The following WASF1 variants were observed in gnomAD, a reference collection of about 807,000 sequenced individuals.
WASF1 encodes the protein WASP family member 1.
Under a neutral mutation model 50.5 loss-of-function variants are expected in WASF1, and 7 were observed. The ratio of observed to expected loss-of-function variants is 0.14; its 90% CI spans 0.08 to 0.26. WASF1 has a LOEUF of 0.26. WASF1 is among the 10% of genes least tolerant of loss of function. WASF1 has a pLI of 1.00. For missense variants in WASF1, 470 were observed against 694.7 expected (o/e 0.68, Z 3.64); for synonymous variants, 205 against 244.0 (o/e 0.84, Z 1.49).
At chr6:110,134,567 G>A (rs868428913) in intron 3 of WASF1, among the ~76,000 whole-genome samples, 3 of 151,912 alleles carry the variant, frequency 2.0e-5, no homozygotes, top group Non-Finnish European at 2.9e-5. Flanking sequence ...TAGGATTACA[G>A]GTGCCCACCA....
intron 9 of WASF1, among the ~76,000 whole-genome samples, chr6:110,103,085 A>T (rs773137859): frequency 5.4e-4 from 83 of 152,306 alleles, no homozygotes; most frequent in Non-Finnish European, 8.2e-4. Context: ...TTAAATTCTT[A>T]TTAGCTAAAT....
chr6:110,103,345 A>G (rs919829217), intron 9 of WASF1, 33 bp downstream of exon 9: 2 of 1,596,484 alleles, frequency 1.3e-6, no homozygotes, highest in Non-Finnish European at 1.7e-6. Context: ...ACTGACTCCT[A>G]AGATAAAACA....
intron 4 of WASF1, among the ~76,000 whole-genome samples, chr6:110,125,041 C>T (rs1268952028): frequency 2.6e-5 from 4 of 152,162 alleles, no homozygotes; most frequent in African/African-American, 9.7e-5. Flanking sequence ...AATAATAGCA[C>T]CAAAGTGAAA....
chr6:110,174,335 A>G (rs1244327046), intron 2 of WASF1, among the ~76,000 whole-genome samples: 1 of 152,172 alleles, frequency 6.6e-6, no homozygotes, highest in Admixed American at 6.5e-5. Context: ...CTATACTGTT[A>G]ACTCCAAGAG....
chr6:110,108,404 G>T, intron 6 of WASF1, 124 bp downstream of exon 6: 1 of 917,282 alleles, frequency 1.1e-6, no homozygotes, highest in East Asian at 2.5e-5. Context: ...TTCCAAAGGT[G>T]GTGGACAGAG....
At chr6:110,150,327 G>C (rs916845504) in intron 3 of WASF1, among the ~76,000 whole-genome samples, 1 of 152,070 alleles carries the variant, frequency 6.6e-6, no homozygotes, top group African/African-American at 2.4e-5. Flanking sequence ...AGTAGACTAA[G>C]GTAAATTATT....
At position 110,103,554 on chromosome 6, in the gene WASF1, A is replaced by C; in HGVS notation, c.717T>G (p.Pro239=). The C allele has an allele frequency of 6.2e-7, 1 of 1,607,892 alleles. No individual in the cohort carries two copies. Among genetic ancestry groups the C allele is most frequent in the Non-Finnish European group, 8.5e-7 (1 of 1,176,136 alleles). ...NGPASHFETR[P]QTYVDHMDGS... ...CATCCATATGATCCACGTATGTCTG[A>C]GGTCTAAAAGAAATATATAGTATCA... is the stretch of plus-strand genomic sequence containing the variant. The change falls in exon 9 of 11, where the codon CCT becomes CCG. Residue 239 remains proline (P), a synonymous_variant. Coordinates refer to ENST00000392589, the MANE Select transcript of WASF1 (RefSeq NM_003931.3).
At chr6:110,152,166 C>T (rs1775854747) in intron 3 of WASF1, among the ~76,000 whole-genome samples, 3 of 151,962 alleles carry the variant, frequency 2.0e-5, no homozygotes, top group Admixed American at 2.0e-4. Context: ...TCACATGAGC[C>T]CTTTGAAAGT....
At chr6:110,109,645 G>A (rs1298610618) in intron 5 of WASF1, among the ~76,000 whole-genome samples, 2 of 150,694 alleles carry the variant, frequency 1.3e-5, no homozygotes, top group Non-Finnish European at 2.9e-5. Context: ...TCTTCCTCCC[G>A]GGTTCAAGCA....
chr6:110,122,750 T>C (rs1774194697), intron 4 of WASF1, among the ~76,000 whole-genome samples: 2 of 152,202 alleles, frequency 1.3e-5, no homozygotes, highest in Admixed American at 6.5e-5. Flanking sequence ...ACATAAAATA[T>C]ACATGTTAAG....
At chr6:110,145,749 T>C (rs1454309999) in intron 3 of WASF1, among the ~76,000 whole-genome samples, 6 of 152,144 alleles carry the variant, frequency 3.9e-5, no homozygotes, top group Non-Finnish European at 8.8e-5. Context: ...TCTGTTTATA[T>C]GCTGGATTAA....
chr6:110,174,813 A>C (rs1458436157), intron 2 of WASF1, among the ~76,000 whole-genome samples: 1 of 152,150 alleles, frequency 6.6e-6, no homozygotes, highest in Non-Finnish European at 1.5e-5. Flanking sequence ...GCATATGACA[A>C]AAATAGCTGT....
intron 2 of WASF1, chr6:110,176,998 T>C (rs1017357288): frequency 6.6e-6 from 1 of 152,074 alleles, no homozygotes; most frequent in South Asian, 2.1e-4. Flanking sequence ...ACTGTGATAA[T>C]GAAAATCCAA....
chr6:110,167,619 ATC>A, intron 2 of WASF1, among the ~76,000 whole-genome samples: 1 of 152,112 alleles, frequency 6.6e-6, no homozygotes, highest in South Asian at 2.1e-4. Flanking sequence ...TTCATTAGTA[ATC>A]TCATTCATAT....
chr6:110,160,340 G>A (rs933430406), intron 3 of WASF1, among the ~76,000 whole-genome samples: 4 of 151,828 alleles, frequency 2.6e-5, no homozygotes, highest in African/African-American at 9.7e-5. Context: ...GTTTTAGACT[G>A]TTGGTAGTTG....
chr6:110,108,075 A>T (rs1356440550), intron 6 of WASF1, among the ~76,000 whole-genome samples: 1 of 136,264 alleles, frequency 7.3e-6, no homozygotes, highest in Non-Finnish European at 1.5e-5. Context: ...AGGCAGGAAA[A>T]TGACATGAAC....
intron 8 of WASF1, among the ~76,000 whole-genome samples, chr6:110,104,141 G>A (rs1427244469): frequency 6.6e-6 from 1 of 152,068 alleles, no homozygotes; most frequent in Admixed American, 6.5e-5. Context: ...GAGTAACATA[G>A]CAACATGTGA....
chr6:110,162,515 A>T (rs888690357), intron 2 of WASF1, among the ~76,000 whole-genome samples: 4 of 151,390 alleles, frequency 2.6e-5, no homozygotes, highest in African/African-American at 9.7e-5. Context: ...TCCTCAACAA[A>T]ATATTAACAA....
chr6:110,151,739 T>C (rs1775834679), intron 3 of WASF1, among the ~76,000 whole-genome samples: 1 of 152,186 alleles, frequency 6.6e-6, no homozygotes, highest in South Asian at 2.1e-4. Context: ...CTTCCTCAAC[T>C]TTCTACTGTT....
Sources: allele counts gnomAD v4.1 joint callset (sites outside exome capture counted in the v4.1 genomes callset), GRCh38; gene constraint gnomAD v4.1.1; transcripts MANE v1.5; gene names NCBI Gene and HGNC (gene_info 2026-07-23, HGNC 2026-07-21).